EIF5: variants seen among roughly 807,000 people sequenced by gnomAD.
EIF5 encodes eukaryotic translation initiation factor 5.
A neutral mutation model predicts 48.3 loss-of-function variants in EIF5; 10 were observed. The ratio of observed to expected loss-of-function variants is 0.21; its 90% confidence interval spans 0.13 to 0.35. The LOEUF is 0.35. Ranked by LOEUF, EIF5 falls within the 10% of genes least tolerant of loss-of-function variation. EIF5 has a pLI of 1.00. For missense variants in EIF5, 397 were observed against 533.2 expected, an observed-to-expected ratio of 0.74 and a Z score of 2.51; for synonymous variants, 237 against 173.1, an observed-to-expected ratio of 1.37 and a Z score of -2.90.
chr14:103,335,261 C>T (rs765822507), intron 2 of EIF5: 11 of 154,204 alleles, frequency 7.1e-5, no homozygotes, highest in Non-Finnish European at 1.3e-4. Context: ...TGAAGACGAA[C>T]GGGGGTGTGC....
At chr14:103,340,285 C>G in intron 10 of EIF5, 142 bp from the exon 11 acceptor site, 1 of 834,888 alleles carries the variant, frequency 1.2e-6, no homozygotes, top group Non-Finnish European at 1.9e-6. Flanking sequence ...CTGAGACTAA[C>G]GTGTTCACTG....
intron 3 of EIF5, 31 bp downstream of exon 3, chr14:103,335,963 G>C (rs370801904): frequency 7.4e-6 from 12 of 1,614,004 alleles, no homozygotes; most frequent in Non-Finnish European, 1.0e-5. Flanking sequence ...TTAGTTGATA[G>C]CTCTTTTTGT....
rs1396950867 is a variant in EIF5, at chr14:103,341,972, T to TA, written c.*921dup. On this transcript the variant is annotated 3_prime_UTR_variant, in exon 12 of 12. Transcript: ENST00000216554. ...GGTTTAAATTACAATTCCAAAATGTTAGACATACTGTATTTTTTCGTTCAG... is the reference window on the plus strand; with the variant it reads ...GGTTTAAATTACAATTCCAAAATGTTAAGACATACTGTATTTTTTCGTTCAG... The TA allele has an allele frequency of 6.6e-6, 1 of 152,664 alleles. No individual in the cohort carries two copies. Among genetic ancestry groups the TA allele is most frequent in the Non-Finnish European group, 1.5e-5 (1 of 68,040 alleles). The allele number at this position is 152,664 out of a possible 1,614,324, so 9.5% of individuals were successfully genotyped here. A position where few individuals can be genotyped will look rare whatever the true frequency, so the allele number is the denominator to read the frequency against.
chr14:103,344,984 A>G lies in EIF5; in HGVS notation c.*3932A>G, dbSNP rs1267402344. On this transcript the variant is annotated 3_prime_UTR_variant, in exon 12 of 12. Coordinates refer to ENST00000216554, the MANE Select transcript of EIF5 (RefSeq NM_001969.5). The stretch of plus-strand genomic sequence containing the variant: ...AAAAATGTAGCTCTTTGAATCTCAG[A>G]AAAAAGTAGATTTTAATAAAGTGTG... 2.1e-5 allele frequency: 3 copies of G among 145,556 alleles called. No individual in the cohort carries two copies. The highest frequency in any genetic ancestry group is 8.5e-5 in the African/African-American group (3 of 35,196). 9.0% of individuals were successfully genotyped at this position (145,556 alleles called of 1,614,324 possible). A position where few individuals can be genotyped will look rare whatever the true frequency, so the allele number is the denominator to read the frequency against.
Position 103,344,868 on chromosome 14 carries a change from T to G in EIF5, c.*3816T>G, listed in dbSNP as rs1434843219. ...CAAGTTGTAAGCTTGGATTTTTAGG[T>G]CTAGCAATACACTGTTTACAAGAGC... On this transcript the variant is annotated 3_prime_UTR_variant, in exon 12 of 12. Coordinates refer to ENST00000216554, the MANE Select transcript of EIF5 (RefSeq NM_001969.5). The G allele has an allele frequency of 6.6e-6, 1 of 152,108 alleles. No homozygotes were observed. The highest frequency in any genetic ancestry group is 2.4e-5 in the African/African-American group (1 of 41,384). 9.4% of individuals were successfully genotyped at this position (152,108 alleles called of 1,614,324 possible).
rs1245350398 is a variant in EIF5, at chr14:103,342,914, A to G, written c.*1862A>G. The G allele has an allele frequency of 1.3e-5, 2 of 152,682 alleles. No homozygotes were observed. Among genetic ancestry groups the G allele is most frequent in the Non-Finnish European group, 2.9e-5 (2 of 68,044 alleles). 9.5% of individuals were successfully genotyped at this position (152,682 alleles called of 1,614,324 possible). On this transcript the variant is annotated 3_prime_UTR_variant, in exon 12 of 12. Transcript: ENST00000216554. ...GTTGCACTCAGCATACTCAGTGTCA[A>G]GCTAATGAGGTTCTATTATAAAGGT...
Position 103,339,789 on chromosome 14 carries a change from A to G in EIF5, c.1057A>G (p.Ser353Gly), listed in dbSNP as rs200636039. ...CCTTTTAGAAGAAGAGGTCATCATC[A>G]GCTGGTCGGAAAAGGTGGGGAATAC... is the stretch of plus-strand genomic sequence containing the variant. The part of the protein sequence containing the change: ...ADLLEEEVII[S>G]WSEKASKKYV... Residue 353 changes from serine to glycine, a missense_variant, in exon 10 of 12, where the codon AGC becomes GGC. Ser to Gly is a moderately conservative substitution (Grantham distance 56). Coordinates refer to ENST00000216554, the MANE Select transcript of EIF5 (RefSeq NM_001969.5). 1.2e-6 allele frequency: 2 copies of G among 1,614,154 alleles called. No homozygotes were observed. The highest frequency in any genetic ancestry group is 1.3e-5 in the African/African-American group (1 of 75,056).
intron 5 of EIF5, 21 bp downstream of exon 5, chr14:103,336,870 CGAAA>C (rs1566720757): frequency 1.3e-6 from 2 of 1,598,680 alleles, no homozygotes; most frequent in Non-Finnish European, 8.5e-7. Context: ...TTGTGGTTGT[CGAAA>C]GAAAAAGCCA....
chr14:103,341,006 TA>T lies in EIF5; in HGVS notation c.1253del (p.Lys418SerfsTer21). 6.2e-7 allele frequency: 1 copy of T among 1,614,172 alleles called. No homozygotes were observed. The highest frequency in any genetic ancestry group is 8.5e-7 in the Non-Finnish European group (1 of 1,180,008). On this transcript the variant is annotated frameshift_variant, in exon 12 of 12. Transcript: ENST00000216554. LOFTEE classifies it high-confidence loss of function. Reference sequence around the variant, plus strand: ...GCCAGTGTACCGAAAGTTGAGACTGTAAAGTCAGACAACAAGGATGACGACA... The same window carrying T: ...GCCAGTGTACCGAAAGTTGAGACTGTAAGTCAGACAACAAGGATGACGACA... ...KAASVPKVET[V>X]KSDNKDDDID... is the part of the protein sequence containing the mutation.
At chr14:103,340,666 G>T (rs1040982121) in intron 11 of EIF5, 105 bp downstream of exon 11, 2 of 1,451,364 alleles carry the variant, frequency 1.4e-6, no homozygotes, top group Admixed American at 4.6e-5. Flanking sequence ...GGTAATTTCA[G>T]GTTTAGAATT....
At position 103,340,532 on chromosome 14, in the gene EIF5, G is replaced by A. The variant is rs199862864; in HGVS notation, c.1177G>A (p.Glu393Lys). 28 of 1,612,010 alleles carry A rather than the reference G, an allele frequency of 1.7e-5. No homozygotes were observed. The highest frequency in any genetic ancestry group is 2.2e-5 in the East Asian group (1 of 44,838). Reference sequence around the variant, plus strand: ...GGCAGAGGAAGAATCTTCTGGTGGCGAAGAAGAAGATGAAGATGAGAACAT... The same window carrying A: ...GGCAGAGGAAGAATCTTCTGGTGGCAAAGAAGAAGATGAAGATGAGAACAT... The part of the protein sequence containing the change: ...KEAEEESSGG[E>K]EEDEDENIEV... The change falls in exon 11 of 12, where the codon GAA (glutamate) becomes AAA (lysine). Residue 393 changes from glutamate to lysine, a missense_variant. By Grantham distance (56) the Glu-to-Lys change is moderately conservative. Coordinates refer to ENST00000216554, the MANE Select transcript of EIF5 (RefSeq NM_001969.5).
chr14:103,335,777 T>A lies in EIF5; in HGVS notation c.-84T>A. The A allele has an allele frequency of 6.9e-6, 10 of 1,446,312 alleles. No homozygotes were observed. The highest frequency in any genetic ancestry group is 8.7e-6 in the Non-Finnish European group (9 of 1,032,448). 89.6% of individuals were successfully genotyped at this position (1,446,312 alleles called of 1,614,324 possible). ...AGAACTCTTGCAGTCGTTTATGTCA[T>A]CCCTTCTTCTCCAGACAGAAGATAC... On this transcript the variant is annotated 5_prime_UTR_variant, in exon 3 of 12. Coordinates refer to ENST00000216554, the MANE Select transcript of EIF5 (RefSeq NM_001969.5).
rs961550292 is a variant in EIF5 at position 103,344,996 on chromosome 14, T to C, written c.*3944T>C. On this transcript the variant is annotated 3_prime_UTR_variant, in exon 12 of 12. Coordinates refer to ENST00000216554, the MANE Select transcript of EIF5 (RefSeq NM_001969.5). Reference sequence around the variant, plus strand: ...CTTTGAATCTCAGAAAAAAGTAGATTTTAATAAAGTGTGAAAGTTGTCAAT... The same window carrying C: ...CTTTGAATCTCAGAAAAAAGTAGATCTTAATAAAGTGTGAAAGTTGTCAAT... The C allele has an allele frequency of 1.1e-4, 17 of 152,078 alleles. No individual in the cohort carries two copies. Among genetic ancestry groups the C allele is most frequent in the Non-Finnish European group, 2.5e-4 (17 of 68,000 alleles). 9.4% of individuals were successfully genotyped at this position (152,078 alleles called of 1,614,324 possible). A position where few individuals can be genotyped will look rare whatever the true frequency, so the allele number is the denominator to read the frequency against.
At chr14:103,340,612 G>C (rs747107663) in intron 11 of EIF5, 51 bp downstream of exon 11, 16 of 1,570,054 alleles carry the variant, frequency 1.0e-5, no homozygotes, top group Non-Finnish European at 1.0e-5. Flanking sequence ...ATGGGTGTTT[G>C]AGATTTAAAA....
chr14:103,339,461 T>A, intron 9 of EIF5, 128 bp downstream of exon 9: 1 of 1,420,460 alleles, frequency 7.0e-7, no homozygotes, highest in Non-Finnish European at 9.6e-7. Flanking sequence ...TACAAGCCTC[T>A]GAGTATCTGA....
chr14:103,338,837 G>A lies in EIF5; in HGVS notation c.688G>A (p.Asp230Asn). 1.2e-6 allele frequency: 2 copies of A among 1,614,180 alleles called. No homozygotes were observed. Among genetic ancestry groups the A allele is most frequent in the Non-Finnish European group, 1.7e-6 (2 of 1,180,018 alleles). ...CCATGCAAAAGTTCTGACACTCAGTGATGATTTGGAAAGAACAATTGAGGA... is the reference window on the plus strand; with the variant it reads ...CCATGCAAAAGTTCTGACACTCAGTAATGATTTGGAAAGAACAATTGAGGA... ...SDHAKVLTLSDDLERTIEERV... is the reference protein window; with the variant it reads ...SDHAKVLTLSNDLERTIEERV... Residue 230 changes from aspartate to asparagine, a missense_variant, in exon 8 of 12, where the codon GAT becomes AAT. By Grantham distance (23) the Asp-to-Asn change is conservative. Transcript: ENST00000216554.
At chr14:103,338,598 G>C in intron 7 of EIF5, 126 bp downstream of exon 7, 2 of 1,496,410 alleles carry the variant, frequency 1.3e-6, no homozygotes, top group East Asian at 2.4e-5. Flanking sequence ...TGGATTCCAA[G>C]TACTGTTTGT....
chr14:103,334,466 AC>A lies in EIF5; in HGVS notation c.-338del, dbSNP rs1287612841. On this transcript the variant is annotated 5_prime_UTR_variant, in exon 2 of 12. Transcript: ENST00000216554. ...CCCCTCCCCGCTGCTCGGCGGCGGC[AC>A]CTGGCCCGGCCGCTCCTCGCTGCGC... 6.6e-6 allele frequency: 1 copy of A among 152,236 alleles called. No individual in the cohort carries two copies. The highest frequency in any genetic ancestry group is 1.5e-5 in the Non-Finnish European group (1 of 68,186). 9.4% of individuals were successfully genotyped at this position (152,236 alleles called of 1,614,324 possible). A position where few individuals can be genotyped will look rare whatever the true frequency, so the allele number is the denominator to read the frequency against.
rs1456443283 is a variant in EIF5 at position 103,344,268 on chromosome 14, T to G, written c.*3216T>G. On this transcript the variant is annotated 3_prime_UTR_variant, in exon 12 of 12. Coordinates refer to ENST00000216554, the MANE Select transcript of EIF5 (RefSeq NM_001969.5). ...CACCTGTCTGGTCTAGCCAAACAGT[T>G]TTTTTCTGGGAATCAAATTTCTGTG... The G allele has an allele frequency of 6.6e-6, 1 of 152,144 alleles. No individual in the cohort carries two copies. 9.4% of individuals were successfully genotyped at this position (152,144 alleles called of 1,614,324 possible).
Sources: allele counts gnomAD v4.1 joint callset, GRCh38; gene constraint gnomAD v4.1.1; transcripts MANE v1.5; gene names NCBI Gene and HGNC (gene_info 2026-07-23, HGNC 2026-07-21).